Variants in CTNND2 observed in about 807,000 individuals in gnomAD.
CTNND2 encodes catenin delta-2.
A neutral mutation model predicts 144.4 loss-of-function variants in CTNND2; 22 were observed. The observed-to-expected ratio is 0.15, with a 90% confidence interval of 0.11 to 0.22. The LOEUF (loss-of-function observed/expected upper bound fraction) is 0.22. Among genes scored for constraint, CTNND2 ranks in the 10% least tolerant of loss-of-function variants. The pLI is 1.00. For missense variants in CTNND2, 1,353 were observed against 1,618.8 expected, an observed-to-expected ratio of 0.84 and a Z score of 2.82; for synonymous variants, 751 against 695.6, an observed-to-expected ratio of 1.08 and a Z score of -1.25.
intron 16 of CTNND2, among the ~76,000 whole-genome samples, chr5:11,066,955 G>C (rs1433306628): frequency 2.0e-5 from 3 of 152,176 alleles, no homozygotes; most frequent in African/African-American, 4.8e-5. Context: ...GATCTTCAAG[G>C]GGACTGATTA....
chr5:11,610,545 G>A (rs1780265111), intron 2 of CTNND2, among the ~76,000 whole-genome samples: 1 of 152,138 alleles, frequency 6.6e-6, no homozygotes, highest in African/African-American at 2.4e-5. Context: ...TTCACCCTCA[G>A]CCCAGGGAAC....
intron 12 of CTNND2, among the ~76,000 whole-genome samples, chr5:11,142,579 T>C (rs965803546): frequency 3.9e-5 from 6 of 151,916 alleles, no homozygotes; most frequent in African/African-American, 1.2e-4. Flanking sequence ...GCTGTGGTAC[T>C]GGAAAAGGTT....
At chr5:11,421,008 T>C (rs1392521882) in intron 3 of CTNND2, among the ~76,000 whole-genome samples, 3 of 152,090 alleles carry the variant, frequency 2.0e-5, no homozygotes, top group Admixed American at 6.5e-5. Context: ...TGCTTACCTT[T>C]AGGAAACTAG....
intron 3 of CTNND2, among the ~76,000 whole-genome samples, chr5:11,502,121 A>T (rs905390710): frequency 6.6e-5 from 10 of 152,064 alleles, no homozygotes; most frequent in Admixed American, 5.2e-4. Flanking sequence ...TAAACCAGGA[A>T]GAGAGTTTAC....
intron 3 of CTNND2, among the ~76,000 whole-genome samples, chr5:11,538,187 A>C (rs1774398639): frequency 6.6e-6 from 1 of 152,258 alleles, no homozygotes; most frequent in Non-Finnish European, 1.5e-5. Context: ...CGAAGTCTAC[A>C]GGAATTAGAC....
intron 3 of CTNND2, among the ~76,000 whole-genome samples, chr5:11,454,601 T>TTC (rs1765577520): frequency 1.7e-5 from 2 of 114,410 alleles, no homozygotes; most frequent in African/African-American, 7.9e-5. Context: ...TTTTTTTTCC[T>TTC]TTTTTTTTTT....
At chr5:11,453,700 AT>A (rs1275183981) in intron 3 of CTNND2, among the ~76,000 whole-genome samples, 1 of 152,176 alleles carries the variant, frequency 6.6e-6, no homozygotes, top group Non-Finnish European at 1.5e-5. Context: ...GAAAACCCTT[AT>A]TCAAAACACA....
At chr5:11,385,505 T>C (rs988548006) in intron 6 of CTNND2, among the ~76,000 whole-genome samples, 1 of 152,218 alleles carries the variant, frequency 6.6e-6, no homozygotes, top group Non-Finnish European at 1.5e-5. Flanking sequence ...GTAGATGTTA[T>C]TTCGGAAATA....
intron 2 of CTNND2, among the ~76,000 whole-genome samples, chr5:11,579,961 T>C (rs1272004027): frequency 6.6e-6 from 1 of 152,226 alleles, no homozygotes; most frequent in Non-Finnish European, 1.5e-5. Flanking sequence ...TTTCCCTTGC[T>C]GTTCAAGTGG....
intron 1 of CTNND2, among the ~76,000 whole-genome samples, chr5:11,863,328 T>C (rs1414730169): frequency 6.6e-6 from 1 of 152,148 alleles, no homozygotes; most frequent in Non-Finnish European, 1.5e-5. Flanking sequence ...AGGGCTGTAG[T>C]TCTCAAAGGA....
intron 16 of CTNND2, among the ~76,000 whole-genome samples, chr5:11,076,798 TAAGA>T (rs1454325748): frequency 2.6e-5 from 4 of 152,216 alleles, no homozygotes; most frequent in Non-Finnish European, 5.9e-5. Flanking sequence ...TAATGGAGTC[TAAGA>T]AAGATGAATG....
rs115040229 is a variant in CTNND2 at position 11,480,731 on chromosome 5, G to T, written c.288-68662C>A. 6.9e-3 allele frequency among the ~76,000 whole-genome samples: 1,038 copies of T among 151,300 alleles called. 15 individuals carry two copies. Among genetic ancestry groups the T allele is most frequent in the African/African-American group, 0.024 (993 of 41,216 alleles). On this transcript the variant is annotated intron_variant, in intron 3 of 21. Transcript: ENST00000304623. The stretch of plus-strand genomic sequence containing the variant: ...TTTTTCTTTCTGTAGAAAAAGAGTT[G>T]CACAGAGACCTAGGCAGGTAAGTTC...
chr5:11,829,712 TG>T (rs1793792953), intron 1 of CTNND2, among the ~76,000 whole-genome samples: 1 of 152,204 alleles, frequency 6.6e-6, no homozygotes, highest in Admixed American at 6.5e-5. Context: ...AAGGGAAATG[TG>T]GGGTCAGAGG....
chr5:11,794,049 G>C (rs531096201), intron 1 of CTNND2, among the ~76,000 whole-genome samples: 5 of 152,346 alleles, frequency 3.3e-5, no homozygotes, highest in Admixed American at 1.3e-4. Context: ...CAATTACAGG[G>C]ACACTGCTCG....
chr5:11,210,406 T>C (rs1738508400), intron 10 of CTNND2, among the ~76,000 whole-genome samples: 1 of 151,994 alleles, frequency 6.6e-6, no homozygotes, highest in South Asian at 2.1e-4. Context: ...TAAAAATAAA[T>C]AAATAAAAAT....
chr5:11,137,315 A>G (rs925053932), intron 12 of CTNND2, among the ~76,000 whole-genome samples: 1 of 152,210 alleles, frequency 6.6e-6, no homozygotes, highest in African/African-American at 2.4e-5. Context: ...TAATTTTCCT[A>G]TTCAGAGTCC....
intron 3 of CTNND2, among the ~76,000 whole-genome samples, chr5:11,433,346 GCTGATGCAC>G (rs145132874): frequency 0.21 from 32,551 of 151,904 alleles, 7,043 homozygotes; most frequent in African/African-American, 0.56. Context: ...AAAATGAGAT[GCTGATGCAC>G]CTGATGCACA....
chr5:11,473,275 G>C (rs1229445335), intron 3 of CTNND2, among the ~76,000 whole-genome samples: 1 of 152,114 alleles, frequency 6.6e-6, no homozygotes, highest in Non-Finnish European at 1.5e-5. Context: ...ACTGGGAGTG[G>C]GGAGAGAGAA....
In CTNND2 at chr5:11,384,805, A is replaced by T; in HGVS notation, c.1037T>A (p.Ile346Asn). Reference sequence around the variant, plus strand: ...GCCGATGGTGGAGCTCAGCTGGTGGATGGGCGAGGAGGAGATGGTGGACTG... The same window carrying T: ...GCCGATGGTGGAGCTCAGCTGGTGGTTGGGCGAGGAGGAGATGGTGGACTG... Reference protein sequence around the residue: ...TVQSTISSSPIHQLSSTIGTY... With the variant: ...TVQSTISSSPNHQLSSTIGTY... Residue 346 changes from isoleucine to asparagine, a missense_variant, in exon 7 of 22, where the codon ATC (isoleucine) becomes AAC (asparagine). Physicochemically the swap from Ile to Asn is moderately radical, Grantham distance 149. Coordinates refer to ENST00000304623, the MANE Select transcript of CTNND2 (RefSeq NM_001332.4). The surrounding 1 kb of genome is among the most constrained non-coding windows in gnomAD (Gnocchi z 5.2). 1.2e-6 allele frequency: 2 copies of T among 1,613,118 alleles called. No individual in the cohort carries two copies. The highest frequency in any genetic ancestry group is 1.7e-6 in the Non-Finnish European group (2 of 1,179,696).
Sources: allele counts gnomAD v4.1 joint callset (sites outside exome capture counted in the v4.1 genomes callset), GRCh38; gene constraint gnomAD v4.1.1; non-coding constraint Gnocchi (gnomAD v3.1); transcripts MANE v1.5; gene names NCBI Gene and HGNC (gene_info 2026-07-23, HGNC 2026-07-21).